The following MYO1D variants were observed in gnomAD, a reference collection of about 807,000 sequenced individuals.
MYO1D encodes the protein myosin ID, also known as unconventional myosin-Id.
Under a neutral mutation model 122.0 loss-of-function variants are expected in MYO1D, and 83 were observed. The ratio of observed to expected loss-of-function variants is 0.68; its 90% confidence interval spans 0.57 to 0.82. The LOEUF (loss-of-function observed/expected upper bound fraction) is 0.82, where lower values mean the gene tolerates loss of function less well. Ranked by LOEUF, MYO1D falls within the 40% of genes least tolerant of loss-of-function variation. The pLI is 0.00. For missense variants in MYO1D, 1,157 were observed against 1,269.5 expected (o/e 0.91, Z 1.35); for synonymous variants, 464 against 446.9 (o/e 1.04, Z -0.48).
chr17:32,589,254 TC>T lies in MYO1D; in HGVS notation c.2864+15832del, dbSNP rs1194363956. On this transcript the variant is annotated intron_variant, in intron 21 of 21. Coordinates refer to ENST00000318217, the MANE Select transcript of MYO1D (RefSeq NM_015194.3). ...CCTGCTTCACCTTGAGTCCTGCTGC[TC>T]CCCGTGGGTTCCCTATGCTCTACGC... is the stretch of plus-strand genomic sequence containing the variant. Among the ~76,000 whole-genome samples, 3 of 152,322 alleles carry T rather than the reference TC, an allele frequency of 2.0e-5. No homozygotes were observed. In the South Asian group the frequency reaches 6.2e-4, roughly 32 times the overall value.
intron 16 of MYO1D, among the ~76,000 whole-genome samples, chr17:32,673,407 A>G (rs963229097): frequency 2.6e-5 from 4 of 152,026 alleles, no homozygotes; most frequent in African/African-American, 9.7e-5. Context: ...CCCCGCCAAC[A>G]TGCTACATTT....
intron 21 of MYO1D, among the ~76,000 whole-genome samples, chr17:32,553,347 T>G (rs1428851534): frequency 6.6e-6 from 1 of 152,204 alleles, no homozygotes; most frequent in Non-Finnish European, 1.5e-5. Flanking sequence ...TGAATAGGAC[T>G]GCCTTTACAG....
chr17:32,772,948 G>A (rs559030661), intron 4 of MYO1D, 106 bp from the exon 5 acceptor site: 17 of 830,886 alleles, frequency 2.0e-5, no homozygotes, highest in African/African-American at 6.8e-5. Flanking sequence ...AAGCCTGCAC[G>A]TATACATCCA....
intron 16 of MYO1D, among the ~76,000 whole-genome samples, chr17:32,705,049 C>A (rs2089289497): frequency 6.6e-6 from 1 of 152,082 alleles, no homozygotes; most frequent in Admixed American, 6.5e-5. Flanking sequence ...TCTTTCTACT[C>A]ATTTCACAAA....
chr17:32,836,670 C>T (rs974160063), intron 1 of MYO1D, among the ~76,000 whole-genome samples: 2 of 152,012 alleles, frequency 1.3e-5, no homozygotes, highest in Non-Finnish European at 2.9e-5. Context: ...TCATTATCAC[C>T]ATACAGTATT....
chr17:32,761,138 C>T (rs1208911929), intron 8 of MYO1D, among the ~76,000 whole-genome samples: 1 of 152,180 alleles, frequency 6.6e-6, no homozygotes, highest in East Asian at 1.9e-4. Context: ...AGAACACACA[C>T]ACTAAGCCAC....
intron 1 of MYO1D, among the ~76,000 whole-genome samples, chr17:32,841,023 T>C (rs572099789): frequency 6.6e-6 from 1 of 152,348 alleles, no homozygotes; most frequent in African/African-American, 2.4e-5. Flanking sequence ...GGCTTTATGT[T>C]AGATGATTTT....
chr17:32,698,538 CTCTA>C (rs1057335731), intron 16 of MYO1D, among the ~76,000 whole-genome samples: 1 of 151,990 alleles, frequency 6.6e-6, no homozygotes, highest in African/African-American at 2.4e-5. Flanking sequence ...CACTTCATGT[CTCTA>C]TCTGACAGTT....
At chr17:32,496,591 C>A (rs919905604) in intron 21 of MYO1D, among the ~76,000 whole-genome samples, 10 of 152,202 alleles carry the variant, frequency 6.6e-5, no homozygotes, top group Non-Finnish European at 1.5e-5. Context: ...CCCCTGCAGC[C>A]CTCGTGCTGG....
intron 8 of MYO1D, among the ~76,000 whole-genome samples, chr17:32,761,124 C>T (rs2089996678): frequency 6.6e-6 from 1 of 152,180 alleles, no homozygotes; most frequent in Admixed American, 6.5e-5. Flanking sequence ...ACATCCAATG[C>T]ACAAGAACAC....
In MYO1D at chr17:32,800,044, T is replaced by C. The variant is rs528763077; in HGVS notation, c.96-19260A>G. On this transcript the variant is annotated intron_variant, in intron 1 of 21. Coordinates refer to ENST00000318217, the MANE Select transcript of MYO1D (RefSeq NM_015194.3). The stretch of plus-strand genomic sequence containing the variant: ...TATCAAAAAAATGAGATAAGAAGTG[T>C]TAGAGACGATGTGGAGAAAAGGGAA... 2.6e-5 allele frequency among the ~76,000 whole-genome samples: 4 copies of C among 152,140 alleles called. No homozygotes were observed. The South Asian group carries it at 8.3e-4, about 32-fold the overall frequency.
chr17:32,575,911 CTTG>C (rs1648346798), intron 21 of MYO1D, among the ~76,000 whole-genome samples: 1 of 152,164 alleles, frequency 6.6e-6, no homozygotes, highest in Admixed American at 6.5e-5. Flanking sequence ...TCCTAGTATG[CTTG>C]TTGTTGAGGG....
intron 20 of MYO1D, among the ~76,000 whole-genome samples, chr17:32,613,795 A>AAAAC: frequency 7.3e-6 from 1 of 136,720 alleles, no homozygotes; most frequent in Non-Finnish European, 1.6e-5. Context: ...ATCTCAAAAA[A>AAAAC]AAAAAAAAAA....
chr17:32,677,551 G>A (rs566001036), intron 16 of MYO1D, among the ~76,000 whole-genome samples: 1 of 148,012 alleles, frequency 6.8e-6, no homozygotes, highest in Non-Finnish European at 1.5e-5. Context: ...AAGTCACTGG[G>A]AAGTCATCAG....
At chr17:32,795,700 G>GTGCAACTTGGGGC (rs2090408234) in intron 1 of MYO1D, among the ~76,000 whole-genome samples, 1 of 151,648 alleles carries the variant, frequency 6.6e-6, no homozygotes, top group Non-Finnish European at 1.5e-5. Context: ...CAGTTCCAAG[G>GTGCAACTTGGGGC]TGCAACTTGG....
intron 21 of MYO1D, among the ~76,000 whole-genome samples, chr17:32,540,533 CA>C (rs1770768535): frequency 1.3e-5 from 2 of 151,972 alleles, no homozygotes; most frequent in South Asian, 4.2e-4. Context: ...AGCCAATAAG[CA>C]CATGAAAACA....
At chr17:32,692,124 T>C (rs933469918) in intron 16 of MYO1D, among the ~76,000 whole-genome samples, 2 of 152,220 alleles carry the variant, frequency 1.3e-5, no homozygotes, top group East Asian at 3.8e-4. Context: ...TAGCTCCTCG[T>C]TAATAGAAAC....
chr17:32,564,775 C>T (rs572398197), intron 21 of MYO1D, among the ~76,000 whole-genome samples: 39 of 152,282 alleles, frequency 2.6e-4, no homozygotes, highest in African/African-American at 8.9e-4. Flanking sequence ...AAGGCATCAA[C>T]TGAGGCTCCA....
chr17:32,789,606 C>A (rs1003798080), intron 1 of MYO1D, among the ~76,000 whole-genome samples: 1 of 152,114 alleles, frequency 6.6e-6, no homozygotes, highest in Non-Finnish European at 1.5e-5. Flanking sequence ...GTGGATGTAA[C>A]CTTATCTGGA....
Sources: allele counts gnomAD v4.1 joint callset (sites outside exome capture counted in the v4.1 genomes callset), GRCh38; gene constraint gnomAD v4.1.1; transcripts MANE v1.5; gene names NCBI Gene and HGNC (gene_info 2026-07-23, HGNC 2026-07-21).